Variants in RORA observed in about 807,000 individuals in gnomAD.
The protein encoded by RORA is RAR related orphan receptor A.
Under a neutral mutation model 69.5 loss-of-function variants are expected in RORA, and 7 were observed. That is an observed-to-expected ratio of 0.10 (90% CI 0.06 to 0.19). The LOEUF (loss-of-function observed/expected upper bound fraction) is 0.19, where lower values mean the gene tolerates loss of function less well. Ranked by LOEUF, RORA falls within the 10% of genes least tolerant of loss-of-function variation. The probability of loss-of-function intolerance (pLI) is 1.00; values close to 1 mark genes in which losing one functional copy is unlikely to be tolerated. For synonymous variants in RORA, 261 were observed against 240.8 expected, an observed-to-expected ratio of 1.08 and a Z score of -0.78; for missense variants, 457 against 663.0, an observed-to-expected ratio of 0.69 and a Z score of 3.41.
chr15:61,210,375 G>A (rs1471575169), intron 1 of RORA, among the ~76,000 whole-genome samples: 3 of 152,122 alleles, frequency 2.0e-5, no homozygotes, highest in South Asian at 2.1e-4. Context: ...ACTGAAGGCT[G>A]TACTTATAGG....
At chr15:60,655,699 G>T (rs554068850) in intron 2 of RORA, among the ~76,000 whole-genome samples, 1 of 151,950 alleles carries the variant, frequency 6.6e-6, no homozygotes, top group Non-Finnish European at 1.5e-5. Context: ...GTTCATTTTC[G>T]TCGGATTTTA....
At chr15:60,854,369 A>G (rs1297812921) in intron 1 of RORA, among the ~76,000 whole-genome samples, 4 of 152,204 alleles carry the variant, frequency 2.6e-5, no homozygotes, top group Admixed American at 6.5e-5. Context: ...TTAGCTAGTA[A>G]TATCATCCAT....
chr15:60,570,748 C>G (rs1027171309), intron 2 of RORA, among the ~76,000 whole-genome samples: 1 of 152,140 alleles, frequency 6.6e-6, no homozygotes, highest in Non-Finnish European at 1.5e-5. Flanking sequence ...GTCATAGATT[C>G]AATTAGAGGG....
At chr15:60,671,757 G>A (rs571036820) in intron 2 of RORA, among the ~76,000 whole-genome samples, 33 of 151,758 alleles carry the variant, frequency 2.2e-4, no homozygotes, top group Non-Finnish European at 3.2e-4. Flanking sequence ...GATTACAGGC[G>A]TGTGCCACCA....
chr15:61,211,190 G>A (rs553913905), intron 1 of RORA, among the ~76,000 whole-genome samples: 1 of 152,092 alleles, frequency 6.6e-6, no homozygotes, highest in African/African-American at 2.4e-5. Context: ...TTAACAAAAG[G>A]GGACTGTTTG....
At chr15:60,649,030 A>T (rs2070100886) in intron 2 of RORA, among the ~76,000 whole-genome samples, 1 of 152,120 alleles carries the variant, frequency 6.6e-6, no homozygotes, top group Non-Finnish European at 1.5e-5. Context: ...TGGGGCACTC[A>T]TAATCTCAGA....
At position 60,514,525 on chromosome 15, in the gene RORA, G is replaced by A. The variant is rs773602974; in HGVS notation, c.424+91C>T. ...AGGTGGAATAATGAGGAGGGGGCAG[G>A]CGGGGCAGATATTGGCAGATCTGAG... On this transcript the variant is annotated intron_variant, in intron 4 of 10. Coordinates refer to ENST00000335670, the MANE Select transcript of RORA (RefSeq NM_134261.3). The A allele has an allele frequency of 1.5e-5, 19 of 1,275,598 alleles. No individual in the cohort carries two copies. The Admixed American group carries it at 2.5e-4, about 17-fold the overall frequency. 79.0% of individuals were successfully genotyped at this position (1,275,598 alleles called of 1,614,324 possible).
chr15:60,516,225 ATATATATATTTATATATATATATT>A (rs2065947767), intron 3 of RORA, among the ~76,000 whole-genome samples: 1 of 57,350 alleles, frequency 1.7e-5, no homozygotes, highest in Non-Finnish European at 2.8e-5. Flanking sequence ...ATATATATTT[ATATATATATTTATATATATATATT>A]TATATATATA....
At chr15:60,674,430 T>C (rs1210562103) in intron 2 of RORA, among the ~76,000 whole-genome samples, 1 of 152,230 alleles carries the variant, frequency 6.6e-6, no homozygotes, top group Non-Finnish European at 1.5e-5. Flanking sequence ...GCCTCAAAAC[T>C]AATTTTCTCT....
At chr15:60,805,384 C>G (rs1316973981) in intron 1 of RORA, among the ~76,000 whole-genome samples, 2 of 152,180 alleles carry the variant, frequency 1.3e-5, no homozygotes, top group African/African-American at 4.8e-5. Flanking sequence ...AATTAAAACC[C>G]AGGCACAAAT....
At chr15:60,841,956 C>T (rs151314364) in intron 1 of RORA, among the ~76,000 whole-genome samples, 1 of 152,238 alleles carries the variant, frequency 6.6e-6, no homozygotes, top group Non-Finnish European at 1.5e-5. Flanking sequence ...TGGTGGCCTT[C>T]CCCCAGGAGA....
chr15:60,798,506 A>T (rs970105984), intron 1 of RORA, among the ~76,000 whole-genome samples: 5 of 151,908 alleles, frequency 3.3e-5, no homozygotes, highest in Admixed American at 3.3e-4. Flanking sequence ...AGCTCATTGG[A>T]AGAGGAGACA....
At chr15:60,929,694 T>G (rs897807467) in intron 1 of RORA, among the ~76,000 whole-genome samples, 77 of 152,286 alleles carry the variant, frequency 5.1e-4, no homozygotes, top group African/African-American at 1.9e-3. Flanking sequence ...AGAATCGCCA[T>G]ATCAGGAGGT....
intron 1 of RORA, among the ~76,000 whole-genome samples, chr15:61,040,139 T>G (rs1477670681): frequency 2.6e-5 from 3 of 117,458 alleles, no homozygotes; most frequent in African/African-American, 6.2e-5. Flanking sequence ...TATATATATA[T>G]ATATATATAT....
At chr15:60,525,820 A>ATT (rs961972821) in intron 3 of RORA, among the ~76,000 whole-genome samples, 6 of 152,278 alleles carry the variant, frequency 3.9e-5, no homozygotes, top group African/African-American at 1.4e-4. Context: ...CTGTGTTGCA[A>ATT]TTTTATTTAT....
At chr15:61,066,669 C>T (rs2078264278) in intron 1 of RORA, among the ~76,000 whole-genome samples, 1 of 151,624 alleles carries the variant, frequency 6.6e-6, no homozygotes, top group African/African-American at 2.4e-5. Context: ...CTCAGGTGAT[C>T]CACCCACCTT....
intron 2 of RORA, among the ~76,000 whole-genome samples, chr15:60,598,058 C>T (rs1329134769): frequency 6.6e-6 from 1 of 151,984 alleles, no homozygotes; most frequent in African/African-American, 2.4e-5. Context: ...CTTTGTTTCA[C>T]CATACGTCAA....
chr15:61,165,542 C>T (rs1276732630), intron 1 of RORA, among the ~76,000 whole-genome samples: 2 of 152,158 alleles, frequency 1.3e-5, no homozygotes, highest in East Asian at 3.8e-4. Context: ...TAAAGAAATT[C>T]CATTCTAAAT....
intron 1 of RORA, among the ~76,000 whole-genome samples, chr15:60,753,634 A>C (rs1026513387): frequency 6.6e-6 from 1 of 152,240 alleles, no homozygotes; most frequent in Non-Finnish European, 1.5e-5. Flanking sequence ...GCCAAATCAC[A>C]CTAGGAAGCA....
Sources: allele counts gnomAD v4.1 joint callset (sites outside exome capture counted in the v4.1 genomes callset), GRCh38; gene constraint gnomAD v4.1.1; transcripts MANE v1.5; gene names NCBI Gene and HGNC (gene_info 2026-07-23, HGNC 2026-07-21).